Variants in SV2C observed in about 807,000 individuals in gnomAD.
SV2C encodes the protein synaptic vesicle glycoprotein 2C.
In SV2C, 49 loss-of-function variants were observed where a neutral mutation model predicts 79.7. That is an observed-to-expected ratio of 0.61 (90% confidence interval 0.49 to 0.78). The LOEUF (loss-of-function observed/expected upper bound fraction) is 0.78. Ranked by LOEUF, SV2C falls within the 30% of genes least tolerant of loss-of-function variation. SV2C has a pLI of 0.00. For missense variants in SV2C, 833 were observed against 912.9 expected, an observed-to-expected ratio of 0.91 and a Z score of 1.13; for synonymous variants, 334 against 333.2, an observed-to-expected ratio of 1.00 and a Z score of -0.03.
In SV2C at chr5:76,132,144, G is replaced by T. The variant is rs752641294; in HGVS notation, c.394G>T (p.Glu132Ter). The T allele has an allele frequency of 8.1e-6, 13 of 1,614,006 alleles. No homozygotes were observed. The South Asian group carries it at 1.4e-4, about 18-fold the overall frequency. The change falls in exon 2 of 13, where the codon GAA (glutamate) becomes TAA (stop). Residue 132 changes from glutamate (E) to a stop codon, truncating the protein, a stop_gained. Coordinates refer to ENST00000502798, the MANE Select transcript of SV2C (RefSeq NM_014979.4). LOFTEE classifies it high-confidence loss of function. Reference sequence around the variant, plus strand: ...GGAATCAGAAAGGAGAGCTGACGAGGAAGAGTTAGCCCAGCAGTATGAGCT... The same window carrying T: ...GGAATCAGAAAGGAGAGCTGACGAGTAAGAGTTAGCCCAGCAGTATGAGCT... ...ELESERRADEEELAQQYELII... is the reference protein window; with the variant it reads ...ELESERRADE
chr5:76,176,299 A>G (rs966622373), intron 2 of SV2C, among the ~76,000 whole-genome samples: 2 of 152,232 alleles, frequency 1.3e-5, no homozygotes, highest in African/African-American at 4.8e-5. Flanking sequence ...TCTGCTACCC[A>G]GTTTTCTAAG....
chr5:76,094,000 C>T (rs1360583897), intron 1 of SV2C, among the ~76,000 whole-genome samples: 1 of 152,112 alleles, frequency 6.6e-6, no homozygotes, highest in African/African-American at 2.4e-5. Context: ...GTAGTCCCTG[C>T]TACTTGGGAG....
chr5:76,315,500 G>A (rs542876927), intron 12 of SV2C, among the ~76,000 whole-genome samples: 6 of 152,170 alleles, frequency 3.9e-5, no homozygotes, highest in Non-Finnish European at 7.3e-5. Flanking sequence ...CTGAGAAGAG[G>A]TGGTGCTGAG....
Position 76,152,681 on chromosome 5 carries a change from T to G in SV2C, c.580+20351T>G, listed in dbSNP as rs188747687. On this transcript the variant is annotated intron_variant, in intron 2 of 12. Transcript: ENST00000502798. ...AGCTACCAGCTGATCACTCCTTCCT[T>G]TGATTTGAGCTGACTAAAGTCAGAG... 1.3e-5 allele frequency among the ~76,000 whole-genome samples: 2 copies of G among 152,278 alleles called. 1 individual carries two copies. The highest frequency in any genetic ancestry group is 1.3e-4 in the Admixed American group (2 of 15,304).
the SV2C span, among the ~76,000 whole-genome samples, chr5:76,066,809 A>T: frequency 6.6e-6 from 1 of 151,714 alleles, no homozygotes; most frequent in Admixed American, 6.6e-5. Flanking sequence ...AAAAAAAAAA[A>T]AAAAAAAGCA....
At chr5:75,875,767 T>A in the SV2C span, among the ~76,000 whole-genome samples, 7 of 152,128 alleles carry the variant, frequency 4.6e-5, no homozygotes, top group South Asian at 1.5e-3. Flanking sequence ...GCAAAGGACA[T>A]GAACAGGCAC....
intron 1 of SV2C, among the ~76,000 whole-genome samples, chr5:76,113,213 C>T (rs1055729309): frequency 3.9e-5 from 6 of 152,222 alleles, no homozygotes; most frequent in Admixed American, 3.3e-4. Flanking sequence ...AGCTCAGCTT[C>T]GACCTCACTC....
At chr5:76,112,623 A>G (rs917708908) in intron 1 of SV2C, among the ~76,000 whole-genome samples, 8 of 152,222 alleles carry the variant, frequency 5.3e-5, no homozygotes, top group African/African-American at 1.9e-4. Flanking sequence ...GAGGAATGCC[A>G]AGAGGGAGGC....
the SV2C span, among the ~76,000 whole-genome samples, chr5:76,074,701 C>T: frequency 6.6e-6 from 1 of 152,206 alleles, no homozygotes; most frequent in Non-Finnish European, 1.5e-5. Context: ...CCAGAGGAGG[C>T]TAGAGACCTC....
At chr5:76,033,219 T>A in the SV2C span, among the ~76,000 whole-genome samples, 2,414 of 152,102 alleles carry the variant, frequency 0.016, 70 homozygotes, top group African/African-American at 0.054. Context: ...CTGATGGTAG[T>A]TTCTTTTGCT....
the SV2C span, among the ~76,000 whole-genome samples, chr5:75,999,375 A>AG: frequency 3.0e-5 from 4 of 134,726 alleles, no homozygotes; most frequent in Admixed American, 7.7e-5. Flanking sequence ...GGGAGGGAGA[A>AG]AGAGAGAGAG....
At chr5:75,927,139 T>C in the SV2C span, among the ~76,000 whole-genome samples, 1 of 152,166 alleles carries the variant, frequency 6.6e-6, no homozygotes, top group South Asian at 2.1e-4. Context: ...AGAGGAGCTA[T>C]GGATCCTATA....
At chr5:76,349,616 A>C (rs1749609727) in intron 12 of SV2C, among the ~76,000 whole-genome samples, 1 of 152,170 alleles carries the variant, frequency 6.6e-6, no homozygotes, top group African/African-American at 2.4e-5. Flanking sequence ...AAAATCCTTG[A>C]AAGTTTTGGC....
At chr5:75,896,782 T>C in the SV2C span, among the ~76,000 whole-genome samples, 1 of 149,214 alleles carries the variant, frequency 6.7e-6, no homozygotes, top group South Asian at 2.1e-4. Context: ...AGATGGTATC[T>C]CATTGTGGTT....
intron 4 of SV2C, among the ~76,000 whole-genome samples, chr5:76,225,893 T>C (rs1004053434): frequency 2.0e-5 from 3 of 152,212 alleles, no homozygotes; most frequent in Admixed American, 6.5e-5. Flanking sequence ...CAAATGCTCA[T>C]TGGGCATCCG....
chr5:76,151,881 G>A lies in SV2C; in HGVS notation c.580+19551G>A, dbSNP rs193300874. On this transcript the variant is annotated intron_variant, in intron 2 of 12. Coordinates refer to ENST00000502798, the MANE Select transcript of SV2C (RefSeq NM_014979.4). Reference sequence around the variant, plus strand: ...TGCTAAGAGGAAGCTGTCCAGGAAGGCGGTTGGAAATGGCTCCTGGGGCCT... The same window carrying A: ...TGCTAAGAGGAAGCTGTCCAGGAAGACGGTTGGAAATGGCTCCTGGGGCCT... Among the ~76,000 whole-genome samples, 78 of 152,316 alleles carry A rather than the reference G, an allele frequency of 5.1e-4. No individual in the cohort carries two copies. The East Asian group carries it at 0.014, about 28-fold the overall frequency.
chr5:76,098,552 C>T (rs1747638099), intron 1 of SV2C, among the ~76,000 whole-genome samples: 2 of 152,202 alleles, frequency 1.3e-5, no homozygotes, highest in Non-Finnish European at 2.9e-5. Context: ...TTGATAAATA[C>T]ATTACAGCTA....
At chr5:76,167,509 A>T (rs1178938089) in intron 2 of SV2C, among the ~76,000 whole-genome samples, 2 of 152,236 alleles carry the variant, frequency 1.3e-5, no homozygotes, top group Admixed American at 6.5e-5. Flanking sequence ...AAATGGGGAA[A>T]GCCAGGATAA....
chr5:76,317,038 TG>T lies in SV2C; in HGVS notation c.2001-8325del, dbSNP rs572303721. 2.4e-3 allele frequency among the ~76,000 whole-genome samples: 362 copies of T among 149,620 alleles called. 3 individuals are homozygous for T. The highest frequency in any genetic ancestry group is 8.3e-3 in the African/African-American group (338 of 40,662). ...TATTTAATGAATGATTATATGAATA[TG>T]AAAAAAACGCATAGAATATGTAAAT... is the stretch of plus-strand genomic sequence containing the variant. On this transcript the variant is annotated intron_variant, in intron 12 of 12. Coordinates refer to ENST00000502798, the MANE Select transcript of SV2C (RefSeq NM_014979.4).
Sources: allele counts gnomAD v4.1 joint callset (sites outside exome capture counted in the v4.1 genomes callset), GRCh38; gene constraint gnomAD v4.1.1; transcripts MANE v1.5; gene names NCBI Gene and HGNC (gene_info 2026-07-23, HGNC 2026-07-21).